Variants in PARPBP observed in about 807,000 individuals in gnomAD.
PARPBP encodes PCNA-interacting partner.
In PARPBP, 52 loss-of-function variants were observed where a neutral mutation model predicts 50.0. That is an observed-to-expected ratio of 1.04 (90% CI 0.83 to 1.31). The LOEUF (loss-of-function observed/expected upper bound fraction) is 1.31, where lower values mean the gene tolerates loss of function less well. Among genes scored for constraint, PARPBP ranks in the 50% most tolerant of loss-of-function variants. The probability of loss-of-function intolerance (pLI) is 0.00; values close to 1 mark genes in which losing one functional copy is unlikely to be tolerated. For missense variants in PARPBP, 697 were observed against 672.0 expected (o/e 1.04, Z -0.41); for synonymous variants, 244 against 232.1 (o/e 1.05, Z -0.47).
chr12:102,137,041 G>A (rs1326082828), intron 2 of PARPBP, among the ~76,000 whole-genome samples: 3 of 151,906 alleles, frequency 2.0e-5, no homozygotes, highest in South Asian at 2.1e-4. Flanking sequence ...TGTAAACTCC[G>A]CCTCCTGGGT....
At chr12:102,170,570 A>G (rs1228716980) in intron 6 of PARPBP, among the ~76,000 whole-genome samples, 3 of 152,234 alleles carry the variant, frequency 2.0e-5, no homozygotes, top group Non-Finnish European at 2.9e-5. Flanking sequence ...GGTACTTGCC[A>G]TGACTGGAGT....
Position 102,193,562 on chromosome 12 carries a change from T to A in PARPBP, c.1264-1750T>A, listed in dbSNP as rs6539028. Among the ~76,000 whole-genome samples the A allele has an allele frequency of 5.1e-3, 780 of 152,126 alleles. 7 individuals carry two copies. Among genetic ancestry groups the A allele is most frequent in the African/African-American group, 0.017 (721 of 41,520 alleles). ...TATAATTCTCTATAAGCCATAACTT[T>A]TGTGAAGTGAAAATAATGTGTGATA... On this transcript the variant is annotated intron_variant, in intron 9 of 10. Transcript: ENST00000327680.
chr12:102,143,236 A>G (rs1447903678), intron 2 of PARPBP, among the ~76,000 whole-genome samples: 1 of 152,092 alleles, frequency 6.6e-6, no homozygotes, highest in South Asian at 2.1e-4. Context: ...ATCTCAGACT[A>G]ATGTGCTAGC....
rs987931893 is a variant in PARPBP, at chr12:102,153,660, A to C, written c.388-209A>C. ...TGACCCTAAACTCTTTCTTTACTGC[A>C]GTTATGTGGTCTTTATTTGTGTAGC... On this transcript the variant is annotated intron_variant, in intron 3 of 10. Transcript: ENST00000327680. 2.0e-5 allele frequency among the ~76,000 whole-genome samples: 3 copies of C among 152,360 alleles called. No homozygotes were observed. In the South Asian group the frequency reaches 6.2e-4, roughly 32 times the overall value.
In PARPBP at chr12:102,123,971, G is replaced by A; in HGVS notation, c.83G>A (p.Arg28Lys). 6.5e-7 allele frequency: 1 copy of A among 1,534,510 alleles called. No homozygotes were observed. The highest frequency in any genetic ancestry group is 8.7e-7 in the Non-Finnish European group (1 of 1,145,468). ...TGGCGTGCTCTTTGTAACTCTGAGAGAACTACTCTATGTGGTGCAGACTCC... is the reference window on the plus strand; with the variant it reads ...TGGCGTGCTCTTTGTAACTCTGAGAAAACTACTCTATGTGGTGCAGACTCC... ...KNWRALCNSERTTLCGADSML... is the reference protein window; with the variant it reads ...KNWRALCNSEKTTLCGADSML... The change falls in exon 2 of 11, where the codon AGA becomes AAA. Residue 28 changes from arginine to lysine, a missense_variant. Arg to Lys is a conservative substitution (Grantham distance 26, BLOSUM62 2). Transcript: ENST00000327680.
At chr12:102,164,279 T>G (rs759156385) in intron 4 of PARPBP, among the ~76,000 whole-genome samples, 159 bp from the exon 5 acceptor site, 1 of 152,204 alleles carries the variant, frequency 6.6e-6, no homozygotes, top group Non-Finnish European at 1.5e-5. Flanking sequence ...TGGAGTTTAT[T>G]GATTGCCCAA....
chr12:102,188,242 G>A (rs749398876), intron 9 of PARPBP, among the ~76,000 whole-genome samples: 1 of 151,686 alleles, frequency 6.6e-6, no homozygotes, highest in East Asian at 1.9e-4. Context: ...GAAGTGGGAC[G>A]TGCCTCAAAC....
chr12:102,160,499 C>T (rs76019455), intron 4 of PARPBP, among the ~76,000 whole-genome samples: 143 of 152,242 alleles, frequency 9.4e-4, no homozygotes, highest in African/African-American at 3.1e-3. Context: ...CTTTGATTTT[C>T]GGTAAATTGT....
At chr12:102,154,027 C>A (rs149530996) in intron 4 of PARPBP, 51 bp downstream of exon 4, 18,605 of 1,098,394 alleles carry the variant, frequency 0.017, 194 homozygotes, top group Non-Finnish European at 0.021. Flanking sequence ...CCTTTCAAAT[C>A]ACTGAATTTG....
At chr12:102,121,952 G>A (rs371968623) in intron 1 of PARPBP, among the ~76,000 whole-genome samples, 2 of 152,032 alleles carry the variant, frequency 1.3e-5, no homozygotes, top group East Asian at 1.9e-4. Flanking sequence ...TGTTTATGTC[G>A]TTGACTTGTC....
At chr12:102,163,107 G>A (rs1887770648) in intron 4 of PARPBP, among the ~76,000 whole-genome samples, 1 of 152,198 alleles carries the variant, frequency 6.6e-6, no homozygotes, top group South Asian at 2.1e-4. Context: ...TTATTGAAAA[G>A]ACTGTCTTTT....
At chr12:102,171,536 C>T (rs1027092937) in intron 6 of PARPBP, among the ~76,000 whole-genome samples, 1 of 152,074 alleles carries the variant, frequency 6.6e-6, no homozygotes, top group Non-Finnish European at 1.5e-5. Flanking sequence ...TGAAATTTTT[C>T]AGTCTAATCT....
chr12:102,164,343 A>G, intron 4 of PARPBP, 95 bp from the exon 5 acceptor site: 1 of 880,416 alleles, frequency 1.1e-6, no homozygotes, highest in Non-Finnish European at 1.8e-6. Flanking sequence ...AGGTATTGTG[A>G]TTGAATGATT....
chr12:102,182,607 A>G lies in PARPBP; in HGVS notation c.1243A>G (p.Met415Val). The change falls in exon 9 of 11, where the codon ATG becomes GTG. Residue 415 changes from methionine (M) to valine (V), a missense_variant. Met to Val is a conservative substitution (Grantham distance 21). Transcript: ENST00000327680. ...CCTAAGAGAACGCATCTGTGTGTCA[A>G]TGCAAGAGAAAAAAATTAAGGTACA... ...KPLRERICVS[M>V]QEKKIKMKQT... is the part of the protein sequence containing the mutation. 1 of 1,610,566 alleles carries G rather than the reference A, an allele frequency of 6.2e-7. No individual in the cohort carries two copies.
chr12:102,155,596 G>GC (rs1354309686), intron 4 of PARPBP, among the ~76,000 whole-genome samples: 2 of 96,882 alleles, frequency 2.1e-5, no homozygotes, highest in Admixed American at 1.0e-4. Context: ...GAGCATGGTG[G>GC]GGGGGGGGGG....
chr12:102,127,233 A>G (rs1882149827), intron 2 of PARPBP, among the ~76,000 whole-genome samples: 1 of 151,956 alleles, frequency 6.6e-6, no homozygotes, highest in Non-Finnish European at 1.5e-5. Context: ...CGTCTCTACA[A>G]AAAAATACAA....
intron 2 of PARPBP, among the ~76,000 whole-genome samples, chr12:102,137,098 C>T (rs915453737): frequency 6.6e-6 from 1 of 152,072 alleles, no homozygotes; most frequent in South Asian, 2.1e-4. Context: ...GGACTACAGG[C>T]ACCCACCACC....
intron 8 of PARPBP, among the ~76,000 whole-genome samples, chr12:102,179,877 C>T (rs1041722409): frequency 6.6e-6 from 1 of 152,164 alleles, no homozygotes; most frequent in Non-Finnish European, 1.5e-5. Flanking sequence ...GTATTTAGTA[C>T]ACTGTAGAGA....
intron 3 of PARPBP, chr12:102,151,495 C>T: frequency 1.0e-6 from 1 of 987,774 alleles, no homozygotes; most frequent in Non-Finnish European, 1.5e-6. Context: ...GATGCATCAA[C>T]ATCAGTGAAT....
Sources: allele counts gnomAD v4.1 joint callset (sites outside exome capture counted in the v4.1 genomes callset), GRCh38; gene constraint gnomAD v4.1.1; transcripts MANE v1.5; gene names NCBI Gene and HGNC (gene_info 2026-07-23, HGNC 2026-07-21).